Variants in PTPRD observed in about 807,000 individuals in gnomAD.
PTPRD encodes the protein receptor-type tyrosine-protein phosphatase delta.
Under a neutral mutation model 214.5 loss-of-function variants are expected in PTPRD, and 34 were observed. That is an observed-to-expected ratio of 0.16 (90% CI 0.12 to 0.21). PTPRD has a LOEUF of 0.21. Ranked by LOEUF, PTPRD falls within the 10% of genes least tolerant of loss-of-function variation. The probability of loss-of-function intolerance (pLI) is 1.00; values close to 1 mark genes in which losing one functional copy is unlikely to be tolerated. For missense variants in PTPRD, 2,545 were observed against 2,398.7 expected (o/e 1.06, Z -1.27); for synonymous variants, 1,128 against 845.7 (o/e 1.33, Z -5.79).
At chr9:8,556,921 A>C (rs921436447) in intron 14 of PTPRD, among the ~76,000 whole-genome samples, 1 of 152,146 alleles carries the variant, frequency 6.6e-6, no homozygotes, top group African/African-American at 2.4e-5. Context: ...TCCCGAGTTG[A>C]CCTTTATAGT....
chr9:10,331,052 C>T (rs988065848), intron 3 of PTPRD, among the ~76,000 whole-genome samples: 6 of 151,796 alleles, frequency 4.0e-5, no homozygotes, highest in Admixed American at 2.0e-4. Flanking sequence ...AATGGTTCAG[C>T]TGACTTACAG....
intron 5 of PTPRD, among the ~76,000 whole-genome samples, chr9:9,796,052 T>C (rs2099000442): frequency 6.6e-6 from 1 of 152,134 alleles, no homozygotes; most frequent in Non-Finnish European, 1.5e-5. Flanking sequence ...TTTTAAGGTA[T>C]TTTTCAGTTT....
intron 9 of PTPRD, among the ~76,000 whole-genome samples, chr9:9,242,878 G>T (rs2099971070): frequency 6.6e-6 from 1 of 152,112 alleles, no homozygotes; most frequent in African/African-American, 2.4e-5. Context: ...TTCCATTGCT[G>T]GTGAGGAGCT....
chr9:10,482,167 TGA>T (rs2099102892), intron 2 of PTPRD, among the ~76,000 whole-genome samples: 1 of 151,620 alleles, frequency 6.6e-6, no homozygotes, highest in Non-Finnish European at 1.5e-5. Flanking sequence ...GTCAGGAGAT[TGA>T]GACCAGCCCG....
At chr9:10,459,586 C>T (rs903053169) in intron 2 of PTPRD, among the ~76,000 whole-genome samples, 7 of 152,012 alleles carry the variant, frequency 4.6e-5, no homozygotes, top group African/African-American at 1.4e-4. Context: ...TTTTAATGAT[C>T]GCCATTCTAA....
chr9:9,088,512 C>T (rs958918529), intron 10 of PTPRD, among the ~76,000 whole-genome samples: 11 of 126,680 alleles, frequency 8.7e-5, no homozygotes, highest in African/African-American at 3.0e-4. Flanking sequence ...CCCAGGAGGT[C>T]GGGGTTGCAG....
chr9:8,649,301 A>G (rs933011064), intron 12 of PTPRD, among the ~76,000 whole-genome samples: 2 of 152,230 alleles, frequency 1.3e-5, no homozygotes, highest in African/African-American at 2.4e-5. Context: ...TTGAGCCAAT[A>G]TGAATTTTTG....
intron 3 of PTPRD, among the ~76,000 whole-genome samples, chr9:10,216,839 A>C (rs2099543593): frequency 6.6e-6 from 1 of 152,102 alleles, no homozygotes; most frequent in South Asian, 2.1e-4. Context: ...AAATTCTGCA[A>C]TGATTCTGTT....
chr9:10,363,813 C>T (rs2097444783), intron 2 of PTPRD, among the ~76,000 whole-genome samples: 1 of 151,934 alleles, frequency 6.6e-6, no homozygotes, highest in African/African-American at 2.4e-5. Flanking sequence ...TCATTTCACA[C>T]ATGTAGATAG....
At chr9:10,061,972 T>G (rs1332183313) in intron 3 of PTPRD, among the ~76,000 whole-genome samples, 1 of 152,018 alleles carries the variant, frequency 6.6e-6, no homozygotes, top group Non-Finnish European at 1.5e-5. Context: ...AGTCTGGTGA[T>G]CTAAGCCTTA....
intron 8 of PTPRD, among the ~76,000 whole-genome samples, chr9:9,525,052 T>A (rs1236313296): frequency 6.6e-6 from 1 of 152,152 alleles, no homozygotes; most frequent in Non-Finnish European, 1.5e-5. Flanking sequence ...AGAGACACCG[T>A]TTCACCATGT....
intron 5 of PTPRD, among the ~76,000 whole-genome samples, chr9:9,921,195 T>C (rs1209273204): frequency 2.0e-5 from 3 of 152,154 alleles, no homozygotes; most frequent in Non-Finnish European, 4.4e-5. Flanking sequence ...GTCTGTTCAT[T>C]ATTAACTGCT....
At position 9,164,129 on chromosome 9, in the gene PTPRD, C is replaced by T. The variant is rs541112818; in HGVS notation, c.-143+19175G>A. Among the ~76,000 whole-genome samples the T allele has an allele frequency of 2.8e-4, 42 of 152,158 alleles. No individual in the cohort carries two copies. In the South Asian group the frequency reaches 8.3e-3, roughly 30 times the overall value. On this transcript the variant is annotated intron_variant, in intron 10 of 45. Transcript: ENST00000381196. ...ACCAATTTTTTTTTGCTTAAAACAG[C>T]ACAAATTTATTATACTTCTGGAGCT...
intron 2 of PTPRD, among the ~76,000 whole-genome samples, chr9:10,482,301 G>T (rs1257030936): frequency 1.3e-5 from 2 of 152,024 alleles, no homozygotes; most frequent in African/African-American, 4.8e-5. Flanking sequence ...AACCCGGGAG[G>T]TGGAGCTTAC....
intron 8 of PTPRD, among the ~76,000 whole-genome samples, chr9:9,553,840 T>G (rs544844553): frequency 6.6e-6 from 1 of 152,174 alleles, no homozygotes; most frequent in Admixed American, 6.6e-5. Context: ...TGCTTACACA[T>G]TCTCACGTAT....
chr9:8,553,377 G>C (rs554225040), intron 14 of PTPRD, among the ~76,000 whole-genome samples: 12 of 152,296 alleles, frequency 7.9e-5, no homozygotes, highest in African/African-American at 2.6e-4. Flanking sequence ...GTGGGCCTGA[G>C]TCCCCTGGCG....
intron 9 of PTPRD, among the ~76,000 whole-genome samples, chr9:9,205,520 C>T (rs868579121): frequency 6.6e-6 from 1 of 152,094 alleles, no homozygotes; most frequent in Non-Finnish European, 1.5e-5. Flanking sequence ...AAATTCAAAA[C>T]GTTTTCCCAT....
intron 9 of PTPRD, among the ~76,000 whole-genome samples, chr9:9,197,557 C>T (rs932131956): frequency 3.9e-5 from 6 of 152,106 alleles, no homozygotes; most frequent in African/African-American, 1.4e-4. Flanking sequence ...ATTACAGGCG[C>T]GTGCCACCAC....
At chr9:8,705,379 C>T (rs540385592) in intron 12 of PTPRD, among the ~76,000 whole-genome samples, 61 of 152,128 alleles carry the variant, frequency 4.0e-4, no homozygotes, top group Admixed American at 9.2e-4. Flanking sequence ...GCTACCACGC[C>T]CAGCTAATTT....
Sources: gnomAD v4.1 joint callset for allele counts (sites outside exome capture counted in the v4.1 genomes callset) on GRCh38, gnomAD v4.1.1 for gene constraint, MANE v1.5 for transcripts, NCBI Gene and HGNC (gene_info 2026-07-23, HGNC 2026-07-21) for gene names.